Variants in PRPS1 observed in about 807,000 individuals in gnomAD.
The protein encoded by PRPS1 is ribose-phosphate pyrophosphokinase 1.
In PRPS1, 1 loss-of-function variant was observed where a neutral mutation model predicts 16.9. That is an observed-to-expected ratio of 0.06 (90% CI 0.02 to 0.28). PRPS1 has a LOEUF of 0.28. Among genes scored for constraint, PRPS1 ranks in the 10% least tolerant of loss-of-function variants. The pLI is 1.00. For synonymous variants in PRPS1, 70 were observed against 90.2 expected (o/e 0.78, Z 1.27); for missense variants, 47 against 254.0 (o/e 0.19, Z 5.54).
At chrX:107,643,631 TCTC>T (rs1166846587) in intron 4 of PRPS1, among the ~76,000 whole-genome samples, 3 of 111,722 alleles carry the variant, frequency 2.7e-5, no homozygotes, top group African/African-American at 3.3e-5. Context: ...ACAGTAGTTC[TCTC>T]CTCAAAAGGT....
intron 1 of PRPS1, among the ~76,000 whole-genome samples, chrX:107,636,071 A>AC (rs1466200659): frequency 1.6e-4 from 17 of 108,298 alleles, no homozygotes; most frequent in African/African-American, 5.7e-4. Context: ...AAAAAAAAAA[A>AC]AAAAAACTGA....
intron 1 of PRPS1, chrX:107,636,770 G>A: frequency 8.9e-6 from 1 of 112,412 alleles, no homozygotes; most frequent in East Asian, 2.8e-4. Flanking sequence ...TCTGGCAATA[G>A]AATTGCCTCT....
intron 1 of PRPS1, among the ~76,000 whole-genome samples, chrX:107,636,071 A>C (rs748942542): frequency 6.6e-4 from 71 of 108,298 alleles, no homozygotes; most frequent in Middle Eastern, 9.5e-3. Context: ...AAAAAAAAAA[A>C]AAAAAACTGA....
At chrX:107,633,270 A>G (rs1263982898) in intron 1 of PRPS1, among the ~76,000 whole-genome samples, 3 of 109,179 alleles carry the variant, frequency 2.7e-5, no homozygotes, top group Non-Finnish European at 5.7e-5. Context: ...AAAATACAAA[A>G]AATTAGCTGG....
intron 5 of PRPS1, among the ~76,000 whole-genome samples, chrX:107,645,800 C>T (rs182234117): frequency 9.0e-6 from 1 of 111,621 alleles, no homozygotes; most frequent in African/African-American, 3.3e-5. Flanking sequence ...CTTGGTCTTA[C>T]TTCTCGACTG....
At chrX:107,647,791 A>G (rs774706937) in intron 6 of PRPS1, 26 bp downstream of exon 6, 3 of 1,204,441 alleles carry the variant, frequency 2.5e-6, no homozygotes, top group Non-Finnish European at 3.4e-6. Context: ...GTGCAAAACA[A>G]GACTTTTCTA....
At chrX:107,635,149 A>G (rs1390023946) in intron 1 of PRPS1, among the ~76,000 whole-genome samples, 2 of 112,407 alleles carry the variant, frequency 1.8e-5, no homozygotes, top group Non-Finnish European at 3.8e-5. Flanking sequence ...CGATAATGAT[A>G]AAGTTTTAAA....
Position 107,650,570 on chromosome X carries a change from G to A in PRPS1, c.*538G>A. 6.9e-6 allele frequency: 2 copies of A among 291,532 alleles called. No individual in the cohort carries two copies. The highest frequency in any genetic ancestry group is 1.2e-5 in the Non-Finnish European group (2 of 168,005). 24.0% of individuals were successfully genotyped at this position (291,532 alleles called of 1,213,427 possible). On this transcript the variant is annotated 3_prime_UTR_variant, in exon 7 of 7. Coordinates refer to ENST00000372435, the MANE Select transcript of PRPS1 (RefSeq NM_002764.4). ...TGGGTGGGGGGTGGGGGGTGGTTGAGGGGGGAGGCAGCACAGTGCAGCAAA... is the reference window on the plus strand; with the variant it reads ...TGGGTGGGGGGTGGGGGGTGGTTGAAGGGGGAGGCAGCACAGTGCAGCAAA...
chrX:107,631,862 A>G (rs1311314834), intron 1 of PRPS1, among the ~76,000 whole-genome samples: 1 of 111,386 alleles, frequency 9.0e-6, no homozygotes. Flanking sequence ...AATATTTTGT[A>G]TTTTTAGTAG....
intron 6 of PRPS1, among the ~76,000 whole-genome samples, chrX:107,648,765 T>C (rs1925762057): frequency 9.0e-6 from 1 of 110,732 alleles, no homozygotes; most frequent in South Asian, 3.7e-4. Context: ...TGTTTGTTTG[T>C]TTTTTGTTTT....
chrX:107,636,067 A>C (rs1010264301), intron 1 of PRPS1, among the ~76,000 whole-genome samples: 1 of 108,016 alleles, frequency 9.3e-6, no homozygotes, highest in African/African-American at 3.4e-5. Flanking sequence ...AAAAAAAAAA[A>C]AAAAAAAAAA....
rs767243595 is a variant in PRPS1, at chrX:107,639,420, G to T, written c.248G>T (p.Ser83Ile). Reference protein sequence around the residue: ...MINACKIASASRVTAVIPCFP... With the variant: ...MINACKIASAIRVTAVIPCFP... ...AATGCCTGCAAGATTGCTTCAGCCA[G>T]CCGGGTTACTGCAGTCATCCCATGC... Residue 83 changes from serine (S) to isoleucine (I), a missense_variant, in exon 2 of 7, where the codon AGC (serine) becomes ATC (isoleucine). By Grantham distance (142) the Ser-to-Ile change is moderately radical. This residue lies in a region of PRPS1 where 19 missense variants were observed against 155.6 expected (regional missense o/e 0.12). Transcript: ENST00000372435. 1.7e-6 allele frequency: 2 copies of T among 1,210,054 alleles called. No individual in the cohort carries two copies. Among genetic ancestry groups the T allele is most frequent in the African/African-American group, 3.5e-5 (2 of 57,231 alleles).
chrX:107,646,439 T>C (rs1925695535), intron 5 of PRPS1, among the ~76,000 whole-genome samples: 1 of 111,906 alleles, frequency 8.9e-6, no homozygotes, highest in Admixed American at 9.5e-5. Flanking sequence ...TTTTAAACTT[T>C]CTTGTGTCTG....
chrX:107,650,484 C>G lies in PRPS1; in HGVS notation c.*452C>G, dbSNP rs1457237778. The G allele has an allele frequency of 3.4e-6, 1 of 297,445 alleles. No individual in the cohort carries two copies. Among genetic ancestry groups the G allele is most frequent in the African/African-American group, 2.9e-5 (1 of 33,916 alleles). 24.5% of individuals were successfully genotyped at this position (297,445 alleles called of 1,213,427 possible). On this transcript the variant is annotated 3_prime_UTR_variant, in exon 7 of 7. Transcript: ENST00000372435. ...GCAAGAGCCCTGGGCAACCCCAAACCTAGTCCTGGTAGCTGAGCACCCTGT... is the reference window on the plus strand; with the variant it reads ...GCAAGAGCCCTGGGCAACCCCAAACGTAGTCCTGGTAGCTGAGCACCCTGT...
In PRPS1 at chrX:107,643,347, C is replaced by T. The variant is rs968999208; in HGVS notation, c.530+857C>T. Among the ~76,000 whole-genome samples the T allele has an allele frequency of 2.7e-5, 3 of 111,942 alleles. No individual in the cohort carries two copies. In the Admixed American group the frequency reaches 2.9e-4, roughly 11 times the overall value. On this transcript the variant is annotated intron_variant, in intron 4 of 6. Transcript: ENST00000372435. ...TGCTAGAGACAGCCTAAGAAACATC[C>T]CCCCAACTAGTAGTTGTCATATTTA...
intron 4 of PRPS1, among the ~76,000 whole-genome samples, chrX:107,643,330 A>G (rs1021418414): frequency 1.8e-5 from 2 of 112,079 alleles, no homozygotes; most frequent in African/African-American, 6.5e-5. Flanking sequence ...AATGCTAGAG[A>G]CAGCCTAAGA....
intron 1 of PRPS1, among the ~76,000 whole-genome samples, chrX:107,633,328 A>G (rs1421390455): frequency 9.3e-6 from 1 of 107,091 alleles, no homozygotes; most frequent in Admixed American, 1.0e-4. Context: ...AGGCTGAGAC[A>G]GGAGAATGGT....
chrX:107,647,742 A>T lies in PRPS1; in HGVS notation c.841A>T (p.Met281Leu). The stretch of plus-strand genomic sequence containing the variant: ...CAATACCATACCTCAGGAGGACAAG[A>T]TGAAGCATTGCTCCAAAATACAGGT... ...VTNTIPQEDK[M>L]KHCSKIQVID... is the part of the protein sequence containing the mutation. Residue 281 changes from methionine to leucine, a missense_variant, in exon 6 of 7, where the codon ATG (methionine) becomes TTG (leucine). Coordinates refer to ENST00000372435, the MANE Select transcript of PRPS1 (RefSeq NM_002764.4). 1.7e-6 allele frequency: 2 copies of T among 1,211,767 alleles called. No homozygotes were observed. Among genetic ancestry groups the T allele is most frequent in the South Asian group, 3.5e-5 (2 of 57,005 alleles).
At chrX:107,635,445 A>ATTTT (rs397896027) in intron 1 of PRPS1, among the ~76,000 whole-genome samples, 1 of 99,705 alleles carries the variant, frequency 1.0e-5, no homozygotes, top group African/African-American at 3.7e-5. Flanking sequence ...AAATTTTCTG[A>ATTTT]TTTTTTTTTT....
Sources: gnomAD v4.1 joint callset for allele counts (sites outside exome capture counted in the v4.1 genomes callset) on GRCh38, gnomAD v4.1.1 for gene constraint, gnomAD v4.1.1 regional missense constraint, MANE v1.5 for transcripts, NCBI Gene and HGNC (gene_info 2026-07-23, HGNC 2026-07-21) for gene names.